DLGAP2: variants seen among roughly 807,000 people sequenced by gnomAD.
DLGAP2 encodes disks large-associated protein 2.
Under a neutral mutation model 100.3 loss-of-function variants are expected in DLGAP2, and 26 were observed. The ratio of observed to expected loss-of-function variants is 0.26; its 90% CI spans 0.19 to 0.36. The LOEUF is 0.36. Ranked by LOEUF, DLGAP2 falls within the 10% of genes least tolerant of loss-of-function variation. The pLI, the probability that DLGAP2 is intolerant of heterozygous loss-of-function variation, is 1.00. For missense variants in DLGAP2, 1,858 were observed against 1,453.2 expected, an observed-to-expected ratio of 1.28 and a Z score of -4.53; for synonymous variants, 886 against 630.1, an observed-to-expected ratio of 1.41 and a Z score of -6.08.
At chr8:1,219,545 T>C (rs1467608336) in intron 2 of DLGAP2, among the ~76,000 whole-genome samples, 4 of 152,244 alleles carry the variant, frequency 2.6e-5, no homozygotes, top group African/African-American at 7.2e-5. Context: ...TTTTTGTGTC[T>C]ATGTTTATCA....
chr8:1,572,051 T>A (rs559901517), intron 6 of DLGAP2, among the ~76,000 whole-genome samples: 132 of 67,232 alleles, frequency 2.0e-3, no homozygotes, highest in African/African-American at 7.6e-3. Flanking sequence ...ACTGTGGGGA[T>A]GTCTGATGAG....
intron 2 of DLGAP2, among the ~76,000 whole-genome samples, chr8:1,172,515 G>C (rs1797150597): frequency 6.6e-6 from 1 of 152,170 alleles, no homozygotes; most frequent in South Asian, 2.1e-4. Flanking sequence ...TCACTTTCAG[G>C]TGCACCAATC....
intron 6 of DLGAP2, among the ~76,000 whole-genome samples, chr8:1,592,972 C>A (rs1408564247): frequency 6.6e-6 from 1 of 152,100 alleles, no homozygotes; most frequent in Non-Finnish European, 1.5e-5. Context: ...GTCTACTGAT[C>A]CTTACATTTA....
At chr8:787,987 G>A (rs1821918981) in intron 1 of DLGAP2, among the ~76,000 whole-genome samples, 1 of 152,240 alleles carries the variant, frequency 6.6e-6, no homozygotes, top group South Asian at 2.1e-4. Flanking sequence ...GATGCTCTGT[G>A]GCTCAGGATT....
chr8:1,518,978 C>T lies in DLGAP2; in HGVS notation c.172+17547C>T, dbSNP rs2130407169. On this transcript the variant is annotated intron_variant, in intron 4 of 14. Coordinates refer to ENST00000637795, the MANE Select transcript of DLGAP2 (RefSeq NM_001346810.2). The stretch of plus-strand genomic sequence containing the variant: ...TTGGAGGGTCCTGTCCATCCCAGGC[C>T]CTCCCGACCGTGTGTCCTCCAGCTA... Among the ~76,000 whole-genome samples the T allele has an allele frequency of 2.6e-5, 4 of 152,218 alleles. No individual in the cohort carries two copies. In the South Asian group the frequency reaches 8.3e-4, roughly 32 times the overall value.
intron 2 of DLGAP2, among the ~76,000 whole-genome samples, chr8:1,184,131 A>T (rs868468042): frequency 6.6e-6 from 1 of 152,216 alleles, no homozygotes; most frequent in Non-Finnish European, 1.5e-5. Flanking sequence ...AAGCCACTTG[A>T]TGTCTCCAAG....
chr8:1,464,060 G>A (rs572969320), intron 3 of DLGAP2, among the ~76,000 whole-genome samples: 13 of 151,788 alleles, frequency 8.6e-5, no homozygotes, highest in Admixed American at 3.3e-4. Flanking sequence ...ACTGAATGTC[G>A]CAACAGCCGC....
intron 2 of DLGAP2, among the ~76,000 whole-genome samples, chr8:1,130,856 G>A (rs912622644): frequency 7.1e-6 from 1 of 140,044 alleles, no homozygotes; most frequent in East Asian, 1.9e-4. Context: ...GAGGGGAAGG[G>A]TGGCCTCTCT....
chr8:1,459,292 C>T (rs1327308729), intron 3 of DLGAP2, among the ~76,000 whole-genome samples: 3 of 148,476 alleles, frequency 2.0e-5, no homozygotes, highest in Admixed American at 6.7e-5. Context: ...TGTCACCCTA[C>T]AAGACCAGCG....
chr8:790,819 C>T (rs1822005130), intron 1 of DLGAP2, among the ~76,000 whole-genome samples: 1 of 152,090 alleles, frequency 6.6e-6, no homozygotes, highest in Non-Finnish European at 1.5e-5. Flanking sequence ...GATCATAACT[C>T]ACTGCAACCT....
chr8:1,093,690 A>G (rs1804267854), intron 2 of DLGAP2, among the ~76,000 whole-genome samples: 1 of 152,140 alleles, frequency 6.6e-6, no homozygotes, highest in Non-Finnish European at 1.5e-5. Context: ...GCCAGACAGA[A>G]ACAACTTCAC....
intron 1 of DLGAP2, among the ~76,000 whole-genome samples, chr8:893,905 C>T (rs1284644580): frequency 6.6e-6 from 1 of 152,218 alleles, no homozygotes; most frequent in Non-Finnish European, 1.5e-5. Context: ...CAGAGGTTCC[C>T]ATGGTTACTG....
At chr8:1,207,270 A>G (rs1477000967) in intron 2 of DLGAP2, among the ~76,000 whole-genome samples, 2 of 152,106 alleles carry the variant, frequency 1.3e-5, no homozygotes, top group African/African-American at 4.8e-5. Context: ...CCATTGTGTC[A>G]TTCTTACGCC....
intron 2 of DLGAP2, among the ~76,000 whole-genome samples, chr8:1,242,279 C>T (rs1027133527): frequency 1.3e-4 from 20 of 152,146 alleles, no homozygotes; most frequent in African/African-American, 4.8e-4. Flanking sequence ...GGTTGGTTGT[C>T]AGACATATGA....
At chr8:1,075,145 T>C (rs1803565652) in intron 2 of DLGAP2, among the ~76,000 whole-genome samples, 1 of 152,222 alleles carries the variant, frequency 6.6e-6, no homozygotes. Flanking sequence ...AGTTCACCAC[T>C]TGGGGCTGAG....
At chr8:883,687 C>A (rs1195031399) in intron 1 of DLGAP2, among the ~76,000 whole-genome samples, 1 of 151,480 alleles carries the variant, frequency 6.6e-6, no homozygotes. Context: ...CGCGGCGGTT[C>A]GTTACGTAGG....
chr8:1,179,377 G>GGGACTCTGACTGTGCAGTCGAT lies in DLGAP2; in HGVS notation c.74-79469_74-79448dup, dbSNP rs1418050137. ...GTGGGTGGAGGGAGTGCTTCGCTGG[G>GGGACTCTGACTGTGCAGTCGAT]GGACTCTGACTGTGCAGTCGATGGA... On this transcript the variant is annotated intron_variant, in intron 2 of 14. Coordinates refer to ENST00000637795, the MANE Select transcript of DLGAP2 (RefSeq NM_001346810.2). Among the ~76,000 whole-genome samples the GGGACTCTGACTGTGCAGTCGAT allele has an allele frequency of 1.6e-4, 24 of 152,348 alleles. No homozygotes were observed. In the East Asian group the frequency reaches 4.6e-3, roughly 29 times the overall value.
intron 2 of DLGAP2, among the ~76,000 whole-genome samples, chr8:1,240,252 T>C (rs1798756992): frequency 1.6e-5 from 2 of 127,336 alleles, no homozygotes; most frequent in South Asian, 2.7e-4. Flanking sequence ...CGTGTCTAGT[T>C]CTCTTACATG....
chr8:815,478 T>C lies in DLGAP2; in HGVS notation c.18+77653T>C, dbSNP rs115314563. 3.9e-3 allele frequency among the ~76,000 whole-genome samples: 587 copies of C among 152,298 alleles called. 3 individuals are homozygous for C. The highest frequency in any genetic ancestry group is 0.013 in the African/African-American group (541 of 41,566). Reference sequence around the variant, plus strand: ...TAAAATGGCAGATAATTTCCCCAAATTGAGGGAAAATCCTTTCAGATGGAT... The same window carrying C: ...TAAAATGGCAGATAATTTCCCCAAACTGAGGGAAAATCCTTTCAGATGGAT... On this transcript the variant is annotated intron_variant, in intron 1 of 14. Coordinates refer to ENST00000637795, the MANE Select transcript of DLGAP2 (RefSeq NM_001346810.2).
Sources: gnomAD v4.1 joint callset for allele counts (sites outside exome capture counted in the v4.1 genomes callset) on GRCh38, gnomAD v4.1.1 for gene constraint, MANE v1.5 for transcripts, NCBI Gene and HGNC (gene_info 2026-07-23, HGNC 2026-07-21) for gene names.